MB21D2: variants seen among roughly 807,000 people sequenced by gnomAD.
MB21D2 encodes Mab-21 domain containing 2, also known as nucleotidyltransferase MB21D2.
A neutral mutation model predicts 33.3 loss-of-function variants in MB21D2; 9 were observed. The observed-to-expected ratio is 0.27, with a 90% CI of 0.16 to 0.47. The LOEUF (loss-of-function observed/expected upper bound fraction) is 0.47, where lower values mean the gene tolerates loss of function less well. Among genes scored for constraint, MB21D2 ranks in the 20% least tolerant of loss-of-function variants. The probability of loss-of-function intolerance (pLI) is 0.99; values close to 1 mark genes in which losing one functional copy is unlikely to be tolerated. For synonymous variants in MB21D2, 241 were observed against 236.3 expected, an observed-to-expected ratio of 1.02 and a Z score of -0.18; for missense variants, 540 against 624.6, an observed-to-expected ratio of 0.86 and a Z score of 1.44.
intron 1 of MB21D2, among the ~76,000 whole-genome samples, chr3:192,884,568 C>T (rs550659424): frequency 3.9e-4 from 59 of 151,872 alleles, no homozygotes; most frequent in South Asian, 1.5e-3. Flanking sequence ...GGGGTTTCAC[C>T]GTGTTAGCCA....
At chr3:192,800,541 C>A (rs969758504) in intron 1 of MB21D2, among the ~76,000 whole-genome samples, 12 of 152,014 alleles carry the variant, frequency 7.9e-5, no homozygotes, top group African/African-American at 2.7e-4. Context: ...TTTTAAAAAA[C>A]CCAGTTTTAC....
rs1444492806 is a variant in MB21D2, at chr3:192,818,549, G to C, written c.212-18899C>G. ...ATGTGGCTTTTCTTTTTGTATTGTT[G>C]CCTATGATCTTACTTCATTGTATCC... On this transcript the variant is annotated intron_variant, in intron 1 of 1. Transcript: ENST00000392452. Among the ~76,000 whole-genome samples the C allele has an allele frequency of 2.0e-5, 3 of 152,130 alleles. No individual in the cohort carries two copies. The South Asian group carries it at 6.2e-4, about 31-fold the overall frequency.
intron 1 of MB21D2, among the ~76,000 whole-genome samples, chr3:192,853,195 C>A (rs1712844532): frequency 6.6e-6 from 1 of 152,154 alleles, no homozygotes; most frequent in East Asian, 1.9e-4. Context: ...TTGAGACCAA[C>A]CACACCCACC....
chr3:192,894,307 T>A (rs1713919252), intron 1 of MB21D2, among the ~76,000 whole-genome samples: 1 of 151,926 alleles, frequency 6.6e-6, no homozygotes, highest in South Asian at 2.1e-4. Flanking sequence ...TTTTTTGTAT[T>A]TTTAATAGAG....
chr3:192,916,640 G>A (rs990178299), intron 1 of MB21D2, among the ~76,000 whole-genome samples: 4 of 152,184 alleles, frequency 2.6e-5, no homozygotes, highest in Admixed American at 2.0e-4. Context: ...CCAGGCGCCT[G>A]GCAAACTCAC....
chr3:192,872,433 G>A (rs567471814), intron 1 of MB21D2, among the ~76,000 whole-genome samples: 137 of 151,862 alleles, frequency 9.0e-4, no homozygotes, highest in Non-Finnish European at 1.5e-3. Context: ...AAAATTAGCC[G>A]CACGTGGTGG....
chr3:192,834,096 A>G (rs1712379781), intron 1 of MB21D2, among the ~76,000 whole-genome samples: 5 of 152,150 alleles, frequency 3.3e-5, no homozygotes, highest in African/African-American at 9.7e-5. Context: ...TACTCTGCCA[A>G]TTTGTGTGAA....
Position 192,798,657 on chromosome 3 carries a change from G to T in MB21D2, c.1205C>A (p.Ser402Tyr). 1 of 1,613,648 alleles carries T rather than the reference G, an allele frequency of 6.2e-7. No individual in the cohort carries two copies. Among genetic ancestry groups the T allele is most frequent in the Non-Finnish European group, 8.5e-7 (1 of 1,180,028 alleles). Residue 402 changes from serine to tyrosine, a missense_variant, in exon 2 of 2, where the codon TCT becomes TAT. Ser to Tyr is a moderately radical substitution (Grantham distance 144). Coordinates refer to ENST00000392452, the MANE Select transcript of MB21D2 (RefSeq NM_178496.4). The surrounding 1 kb of genome is among the most constrained non-coding windows in gnomAD (Gnocchi z 4.8). ...GTGCTCTGCCGGGTCTGAGCGCACA[G>T]AGGACAGCTTCCGGGCGTGAAGCAT... is the stretch of plus-strand genomic sequence containing the variant. Reference protein sequence around the residue: ...TVMLHARKLSSVRSDPAEHLR... With the variant: ...TVMLHARKLSYVRSDPAEHLR...
intron 1 of MB21D2, among the ~76,000 whole-genome samples, chr3:192,849,660 T>A (rs1312528718): frequency 6.6e-6 from 1 of 152,180 alleles, no homozygotes; most frequent in Non-Finnish European, 1.5e-5. Flanking sequence ...TTTATATCCC[T>A]TTTTACTTTG....
intron 1 of MB21D2, among the ~76,000 whole-genome samples, chr3:192,821,957 A>T (rs1006236257): frequency 2.6e-5 from 4 of 152,072 alleles, no homozygotes; most frequent in African/African-American, 9.7e-5. Flanking sequence ...CCCAAACCCA[A>T]GATAATAGGA....
intron 1 of MB21D2, among the ~76,000 whole-genome samples, chr3:192,892,086 C>T (rs536458050): frequency 1.3e-5 from 2 of 151,400 alleles, no homozygotes; most frequent in South Asian, 4.1e-4. Context: ...ATTAACACTT[C>T]TATTCCATGA....
intron 1 of MB21D2, among the ~76,000 whole-genome samples, chr3:192,914,478 T>G (rs973375431): frequency 3.3e-5 from 5 of 152,180 alleles, no homozygotes; most frequent in African/African-American, 1.2e-4. Context: ...GGAATGAAGA[T>G]AACAAAAGAG....
chr3:192,852,106 C>T (rs992642472), intron 1 of MB21D2, among the ~76,000 whole-genome samples: 1 of 152,190 alleles, frequency 6.6e-6, no homozygotes, highest in African/African-American at 2.4e-5. Context: ...GTTCTGCCAA[C>T]AGGGGAAATG....
intron 1 of MB21D2, among the ~76,000 whole-genome samples, chr3:192,882,314 A>T (rs1363427528): frequency 6.6e-6 from 1 of 152,040 alleles, no homozygotes; most frequent in African/African-American, 2.4e-5. Flanking sequence ...ACCTCAGGTG[A>T]TCTGCCTGAC....
intron 1 of MB21D2, among the ~76,000 whole-genome samples, chr3:192,868,569 T>C (rs1303758128): frequency 6.6e-6 from 1 of 152,196 alleles, no homozygotes; most frequent in East Asian, 1.9e-4. Context: ...GAAAGAGGAT[T>C]TTCACTTGCC....
At chr3:192,834,225 G>A (rs1487045563) in intron 1 of MB21D2, among the ~76,000 whole-genome samples, 2 of 151,668 alleles carry the variant, frequency 1.3e-5, no homozygotes, top group African/African-American at 2.4e-5. Flanking sequence ...GCTGATGTAG[G>A]AGAATCGCTT....
intron 1 of MB21D2, among the ~76,000 whole-genome samples, chr3:192,883,969 C>G (rs1055147644): frequency 1.3e-5 from 2 of 152,208 alleles, no homozygotes; most frequent in African/African-American, 4.8e-5. Flanking sequence ...TCTCACAACC[C>G]TCTCAAGCTT....
At chr3:192,901,029 G>GAA (rs1484427967) in intron 1 of MB21D2, among the ~76,000 whole-genome samples, 2 of 152,078 alleles carry the variant, frequency 1.3e-5, no homozygotes, top group Non-Finnish European at 2.9e-5. Flanking sequence ...CTTCAGGAAG[G>GAA]AAACAGTACT....
intron 1 of MB21D2, among the ~76,000 whole-genome samples, chr3:192,851,554 C>T (rs1040201084): frequency 4.5e-5 from 6 of 132,078 alleles, no homozygotes; most frequent in Non-Finnish European, 9.2e-5. Flanking sequence ...GAGTGCAGTG[C>T]CACGATCTTG....
Sources: gnomAD v4.1 joint callset for allele counts (sites outside exome capture counted in the v4.1 genomes callset) on GRCh38, gnomAD v4.1.1 for gene constraint, Gnocchi (gnomAD v3.1) non-coding constraint, MANE v1.5 for transcripts, NCBI Gene and HGNC (gene_info 2026-07-23, HGNC 2026-07-21) for gene names.